Variants in GALM observed in about 807,000 individuals in gnomAD.
GALM encodes the protein aldose 1-epimerase.
A neutral mutation model predicts 37.4 loss-of-function variants in GALM; 43 were observed. The ratio of observed to expected loss-of-function variants is 1.15; its 90% CI spans 0.90 to 1.48. The LOEUF (loss-of-function observed/expected upper bound fraction) is 1.48. Ranked by LOEUF, GALM falls within the 40% of genes most tolerant of loss-of-function variation. GALM has a pLI of 0.00. For missense variants in GALM, 456 were observed against 419.1 expected (o/e 1.09, Z -0.77); for synonymous variants, 199 against 170.6 (o/e 1.17, Z -1.30).
chr2:38,695,689 G>A (rs1393597799), intron 4 of GALM, among the ~76,000 whole-genome samples: 1 of 152,102 alleles, frequency 6.6e-6, no homozygotes, highest in Admixed American at 6.6e-5. Context: ...TTGTTTGCTT[G>A]TTTGTTTGCT....
intron 4 of GALM, among the ~76,000 whole-genome samples, chr2:38,690,242 C>G (rs111497004): frequency 6.6e-6 from 1 of 151,846 alleles, no homozygotes; most frequent in East Asian, 1.9e-4. Flanking sequence ...GAGGCCAAGG[C>G]GGTTGGATCA....
At chr2:38,696,781 C>CTTTTTTTTTT (rs34163863) in intron 4 of GALM, among the ~76,000 whole-genome samples, 1 of 68,474 alleles carries the variant, frequency 1.5e-5, no homozygotes, top group Non-Finnish European at 2.7e-5. Context: ...CCCAAGAAAG[C>CTTTTTTTTTT]TTTTTTTTTT....
At chr2:38,712,742 T>C (rs1430890893) in intron 4 of GALM, among the ~76,000 whole-genome samples, 2 of 152,118 alleles carry the variant, frequency 1.3e-5, no homozygotes, top group South Asian at 2.1e-4. Flanking sequence ...TGCGTTTCTA[T>C]AAAGGAGGAG....
rs1234095439 is a variant in GALM, at chr2:38,698,893, G to A, written c.634+8999G>A. On this transcript the variant is annotated intron_variant, in intron 4 of 6. Coordinates refer to ENST00000272252, the MANE Select transcript of GALM (RefSeq NM_138801.3). ...CCTAAAGTGCTGGGATTACAGGCAT[G>A]AGCCACTGTGTCCAGCTGTTATTAT... Among the ~76,000 whole-genome samples, 13 of 152,152 alleles carry A rather than the reference G, an allele frequency of 8.5e-5. 1 individual carries two copies. The highest frequency in any genetic ancestry group is 2.9e-4 in the African/African-American group (12 of 41,434).
chr2:38,717,112 TGG>T (rs1666283320), intron 4 of GALM, among the ~76,000 whole-genome samples: 1 of 151,832 alleles, frequency 6.6e-6, no homozygotes. Flanking sequence ...TAGCTAGGCG[TGG>T]GAGCACATGC....
rs17023056 is a variant in GALM, at chr2:38,733,681, A to G, written c.*116A>G. Reference sequence around the variant, plus strand: ...TGATTCTATGGATTAAAATCATACAAATGGTGGCTGTTCTGAGAATCAGTC... The same window carrying G: ...TGATTCTATGGATTAAAATCATACAGATGGTGGCTGTTCTGAGAATCAGTC... On this transcript the variant is annotated 3_prime_UTR_variant, in exon 7 of 7. Coordinates refer to ENST00000272252, the MANE Select transcript of GALM (RefSeq NM_138801.3). 0.013 allele frequency: 10,331 copies of G among 806,964 alleles called. 759 individuals carry two copies. The African/African-American group carries it at 0.16, about 12-fold the overall frequency. The allele number at this position is 806,964 out of a possible 1,614,324, so 50.0% of individuals were successfully genotyped here.
At chr2:38,669,739 G>A (rs1665041991) in intron 1 of GALM, among the ~76,000 whole-genome samples, 1 of 152,036 alleles carries the variant, frequency 6.6e-6, no homozygotes, top group Non-Finnish European at 1.5e-5. Context: ...TGGGCATGGT[G>A]GCGCATGCCT....
intron 4 of GALM, among the ~76,000 whole-genome samples, chr2:38,694,111 G>A (rs771049447): frequency 3.3e-5 from 5 of 152,108 alleles, no homozygotes; most frequent in Non-Finnish European, 5.9e-5. Flanking sequence ...GAGCCCAGGA[G>A]GTCAAGGCTG....
intron 4 of GALM, among the ~76,000 whole-genome samples, chr2:38,709,884 C>A (rs1360276644): frequency 2.6e-5 from 4 of 152,154 alleles, no homozygotes; most frequent in African/African-American, 9.7e-5. Flanking sequence ...GCCCATGAGC[C>A]CCTTTACCGC....
At chr2:38,711,423 AT>A (rs1666155186) in intron 4 of GALM, among the ~76,000 whole-genome samples, 1 of 151,656 alleles carries the variant, frequency 6.6e-6, no homozygotes, top group Non-Finnish European at 1.5e-5. Context: ...GGCTTCCCAA[AT>A]TGCCTGGATT....
intron 4 of GALM, among the ~76,000 whole-genome samples, chr2:38,725,413 G>T (rs1262923948): frequency 2.0e-5 from 3 of 151,932 alleles, no homozygotes; most frequent in Non-Finnish European, 2.9e-5. Flanking sequence ...GTACATGCCT[G>T]GGGTCCCAGC....
chr2:38,680,271 C>T (rs565192982), intron 2 of GALM: 198 of 241,148 alleles, frequency 8.2e-4, no homozygotes, highest in African/African-American at 4.3e-3. Context: ...ATCCTCCTGC[C>T]TCAGCCTCCC....
At chr2:38,725,153 A>AT (rs373974847) in intron 4 of GALM, among the ~76,000 whole-genome samples, 94 of 152,380 alleles carry the variant, frequency 6.2e-4, no homozygotes, top group African/African-American at 2.2e-3. Context: ...AGAAGAAAGC[A>AT]TAAGTTACCA....
intron 4 of GALM, among the ~76,000 whole-genome samples, chr2:38,718,037 A>G (rs1666304132): frequency 6.8e-6 from 1 of 147,850 alleles, no homozygotes; most frequent in Non-Finnish European, 1.5e-5. Flanking sequence ...GGATCCTGCT[A>G]TGTTGCCCAG....
intron 2 of GALM, among the ~76,000 whole-genome samples, chr2:38,677,624 C>G (rs57091543): frequency 6.6e-6 from 1 of 152,186 alleles, no homozygotes; most frequent in Non-Finnish European, 1.5e-5. Flanking sequence ...TAGCTTGCCC[C>G]TGCTCCCCCT....
chr2:38,679,655 AC>A (rs1454653313), intron 2 of GALM, among the ~76,000 whole-genome samples: 2 of 152,176 alleles, frequency 1.3e-5, no homozygotes, highest in Non-Finnish European at 2.9e-5. Flanking sequence ...CTCTAAAGGC[AC>A]TGGGAATCTC....
intron 3 of GALM, among the ~76,000 whole-genome samples, chr2:38,686,360 G>A (rs1271073960): frequency 6.6e-6 from 1 of 151,346 alleles, no homozygotes; most frequent in Admixed American, 6.6e-5. Flanking sequence ...CCGCCTCCCG[G>A]GTTCACGACA....
chr2:38,726,408 A>T (rs1230784729), intron 4 of GALM, among the ~76,000 whole-genome samples: 1 of 150,822 alleles, frequency 6.6e-6, no homozygotes, highest in East Asian at 2.0e-4. Context: ...TTGTATTTTT[A>T]GTAGAGACGG....
intron 1 of GALM, chr2:38,668,611 T>C (rs769116862): frequency 6.6e-6 from 1 of 152,030 alleles, no homozygotes; most frequent in Non-Finnish European, 1.5e-5. Context: ...TAAGTATATA[T>C]AAACAAACAG....
Sources: allele counts gnomAD v4.1 joint callset (sites outside exome capture counted in the v4.1 genomes callset), GRCh38; gene constraint gnomAD v4.1.1; transcripts MANE v1.5; gene names NCBI Gene and HGNC (gene_info 2026-07-23, HGNC 2026-07-21).